ASH1L: variants seen among roughly 807,000 people sequenced by gnomAD.
ASH1L encodes the protein ASH1 like histone lysine methyltransferase.
In ASH1L, 23 loss-of-function variants were observed where a neutral mutation model predicts 269.0. The observed-to-expected ratio is 0.09, with a 90% CI of 0.06 to 0.12. The LOEUF (loss-of-function observed/expected upper bound fraction) is 0.12. Among genes scored for constraint, ASH1L ranks in the 10% least tolerant of loss-of-function variants. The pLI is 1.00. For synonymous variants in ASH1L, 1,187 were observed against 1,253.5 expected, an observed-to-expected ratio of 0.95 and a Z score of 1.12; for missense variants, 2,912 against 3,567.8, an observed-to-expected ratio of 0.82 and a Z score of 4.68.
At chr1:155,397,191 T>A (rs1263492732) in intron 6 of ASH1L, among the ~76,000 whole-genome samples, 1 of 150,780 alleles carries the variant, frequency 6.6e-6, no homozygotes, top group Non-Finnish European at 1.5e-5. Context: ...GATTATATCC[T>A]GAATCAGTGT....
chr1:155,383,393 C>G (rs1204594498), intron 7 of ASH1L, among the ~76,000 whole-genome samples: 1 of 152,114 alleles, frequency 6.6e-6, no homozygotes, highest in Non-Finnish European at 1.5e-5. Context: ...GTAAGTGTCC[C>G]ATAGTGGGCT....
chr1:155,498,631 G>C (rs1251892885), intron 2 of ASH1L, among the ~76,000 whole-genome samples: 1 of 151,992 alleles, frequency 6.6e-6, no homozygotes, highest in Non-Finnish European at 1.5e-5. Flanking sequence ...AGTCGAGATG[G>C]GGTTTCTCCA....
chr1:155,556,458 T>A (rs576618459), intron 1 of ASH1L, among the ~76,000 whole-genome samples: 104 of 151,488 alleles, frequency 6.9e-4, no homozygotes, highest in South Asian at 1.9e-3. Context: ...ATATATATAT[T>A]TTTTGAGACA....
At chr1:155,502,331 A>G (rs541624367) in intron 2 of ASH1L, among the ~76,000 whole-genome samples, 1 of 152,110 alleles carries the variant, frequency 6.6e-6, no homozygotes, top group East Asian at 1.9e-4. Flanking sequence ...TGGCCTCCCA[A>G]AGTGCTGGGA....
At chr1:155,511,162 G>A (rs1048864154) in intron 2 of ASH1L, among the ~76,000 whole-genome samples, 12 of 152,112 alleles carry the variant, frequency 7.9e-5, no homozygotes, top group African/African-American at 1.7e-4. Context: ...TAAAGAAGAC[G>A]AATATACTGA....
chr1:155,438,599 T>C lies in ASH1L; in HGVS notation c.5556A>G (p.Arg1852=), dbSNP rs1662288556. 6.2e-7 allele frequency: 1 copy of C among 1,614,012 alleles called. No individual in the cohort carries two copies. The highest frequency in any genetic ancestry group is 8.5e-7 in the Non-Finnish European group (1 of 1,180,026). ...CAGCCTGAAGGGGACATTTCCGAGG[T>C]CGACCTGGCCTACGTTTCACAAAGT... is the stretch of plus-strand genomic sequence containing the variant. ...GNNFVKRRPG[R]PRKCPLQAVV... The change falls in exon 5 of 28, where the codon CGA becomes CGG. Residue 1852 remains arginine, a synonymous_variant. Coordinates refer to ENST00000392403, the MANE Select transcript of ASH1L (RefSeq NM_018489.3).
intron 6 of ASH1L, among the ~76,000 whole-genome samples, chr1:155,412,414 A>C (rs963834060): frequency 6.6e-6 from 1 of 152,086 alleles, no homozygotes; most frequent in African/African-American, 2.4e-5. Flanking sequence ...CATCTCAAAA[A>C]AACAAACAAA....
Position 155,480,130 on chromosome 1 carries a change from C to A in ASH1L, c.2740G>T (p.Val914Phe). 6.2e-7 allele frequency: 1 copy of A among 1,614,086 alleles called. No individual in the cohort carries two copies. Among genetic ancestry groups the A allele is most frequent in the East Asian group, 2.2e-5 (1 of 44,876 alleles). The change falls in exon 3 of 28, where the codon GTT becomes TTT. Residue 914 changes from valine (V) to phenylalanine (F), a missense_variant. Transcript: ENST00000392403. ...AGCTTGCTTGGACTTTCAGTGGCAA[C>A]AAATGGAGCCACTGACAGTACAGGT... ...KPPVLSVAPF[V>F]ATESPSKLES...
At chr1:155,401,611 A>G (rs114951860) in intron 6 of ASH1L, among the ~76,000 whole-genome samples, 3,114 of 151,730 alleles carry the variant, frequency 0.021, 103 homozygotes, top group African/African-American at 0.072. Context: ...ACATGGTGAT[A>G]TCTTGTCTCT....
At chr1:155,433,155 C>T (rs1353983210) in intron 5 of ASH1L, 1 of 1,497,064 alleles carries the variant, frequency 6.7e-7, no homozygotes, top group African/African-American at 1.4e-5. Context: ...CACCAGGCCC[C>T]CAGCTTGGGG....
intron 1 of ASH1L, among the ~76,000 whole-genome samples, chr1:155,535,768 C>A (rs1285404619): frequency 1.3e-5 from 2 of 151,932 alleles, no homozygotes; most frequent in Non-Finnish European, 2.9e-5. Context: ...TTGAGGCAGG[C>A]AGATCACCCG....
intron 6 of ASH1L, among the ~76,000 whole-genome samples, chr1:155,401,344 C>T (rs137918052): frequency 0.026 from 3,993 of 151,100 alleles, 78 homozygotes; most frequent in Middle Eastern, 0.048. Flanking sequence ...CAGGCATGGT[C>T]GTGGGCACCT....
intron 5 of ASH1L, among the ~76,000 whole-genome samples, chr1:155,418,203 A>G (rs988961435): frequency 1.3e-5 from 2 of 152,212 alleles, no homozygotes; most frequent in Admixed American, 1.3e-4. Context: ...CAGCAACAGA[A>G]ATAGAAATCA....
chr1:155,351,807 T>C (rs1558022459), intron 17 of ASH1L, among the ~76,000 whole-genome samples: 1 of 151,308 alleles, frequency 6.6e-6, no homozygotes, highest in Non-Finnish European at 1.5e-5. Flanking sequence ...GCCGAGATCA[T>C]GCCACTGCAC....
At position 155,479,151 on chromosome 1, in the gene ASH1L, A is replaced by C; in HGVS notation, c.3719T>G (p.Val1240Gly). The change falls in exon 3 of 28, where the codon GTG becomes GGG. Residue 1240 changes from valine to glycine, a missense_variant. By Grantham distance (109) the Val-to-Gly change is moderately radical. Coordinates refer to ENST00000392403, the MANE Select transcript of ASH1L (RefSeq NM_018489.3). The part of the protein sequence containing the change: ...VSLIPPETST[V>G]LSSLKEKHKH... ...ATGTTTTTCTTTAAGACTGCTTAGCACTGTAGAGGTTTCAGGGGGAATCAG... is the reference window on the plus strand; with the variant it reads ...ATGTTTTTCTTTAAGACTGCTTAGCCCTGTAGAGGTTTCAGGGGGAATCAG... 6.2e-7 allele frequency: 1 copy of C among 1,614,068 alleles called. No individual in the cohort carries two copies. The highest frequency in any genetic ancestry group is 1.3e-5 in the African/African-American group (1 of 75,002).
Position 155,479,835 on chromosome 1 carries a change from C to T in ASH1L, c.3035G>A (p.Gly1012Glu), listed in dbSNP as rs1225603380. 3 of 1,613,938 alleles carry T rather than the reference C, an allele frequency of 1.9e-6. No individual in the cohort carries two copies. In the South Asian group the frequency reaches 3.3e-5, roughly 18 times the overall value. ...ATTATGGAGTTTGGATTGCACTTTC[C>T]CTTTATTACTTGATTCTACAGAACT... ...LSSSVESSNK[G>E]KVQSKLHNTV... is the part of the protein sequence containing the mutation. Residue 1012 changes from glycine (G) to glutamate (E), a missense_variant, in exon 3 of 28, where the codon GGG (glycine) becomes GAG (glutamate). Around this residue, in one of 13 missense-constraint regions of ASH1L, gnomAD observed 715 missense variants for 721.0 expected, o/e 0.99. Transcript: ENST00000392403.
At chr1:155,381,384 A>G (rs1656927511) in intron 7 of ASH1L, among the ~76,000 whole-genome samples, 1 of 147,034 alleles carries the variant, frequency 6.8e-6, no homozygotes, top group Admixed American at 6.6e-5. Flanking sequence ...GAAACCCTGT[A>G]TTAAAAATAC....
chr1:155,381,946 C>T lies in ASH1L; in HGVS notation c.6104-1830G>A, dbSNP rs138825191. On this transcript the variant is annotated intron_variant, in intron 7 of 27. Transcript: ENST00000392403. ...GCCTTGCCAGGAGTGCTGGCCCACA[C>T]CTGTAATCCCAGCACTTTGGGAGGC... Among the ~76,000 whole-genome samples the T allele has an allele frequency of 6.2e-3, 944 of 151,638 alleles. 12 individuals are homozygous for T. Among genetic ancestry groups the T allele is most frequent in the African/African-American group, 0.022 (914 of 41,348 alleles).
At chr1:155,498,002 T>G (rs1351724125) in intron 2 of ASH1L, among the ~76,000 whole-genome samples, 9 of 152,140 alleles carry the variant, frequency 5.9e-5, no homozygotes, top group African/African-American at 2.2e-4. Flanking sequence ...TCCACCCGCC[T>G]CGGCCTCCCA....
Sources: gnomAD v4.1 joint callset for allele counts (sites outside exome capture counted in the v4.1 genomes callset) on GRCh38, gnomAD v4.1.1 for gene constraint, gnomAD v4.1.1 regional missense constraint, MANE v1.5 for transcripts, NCBI Gene and HGNC (gene_info 2026-07-23, HGNC 2026-07-21) for gene names.